Variants in ESPL1 observed in about 807,000 individuals in gnomAD.
ESPL1 encodes extra spindle pole bodies like 1, separase, also known as separin.
Under a neutral mutation model 217.2 loss-of-function variants are expected in ESPL1, and 50 were observed. The ratio of observed to expected loss-of-function variants is 0.23; its 90% CI spans 0.18 to 0.29. The LOEUF (loss-of-function observed/expected upper bound fraction) is 0.29. ESPL1 is among the 10% of genes least tolerant of loss of function. ESPL1 has a pLI of 1.00. For missense variants in ESPL1, 1,834 were observed against 2,603.0 expected (o/e 0.70, Z 6.43); for synonymous variants, 994 against 1,081.3 (o/e 0.92, Z 1.58).
intron 6 of ESPL1, among the ~76,000 whole-genome samples, chr12:53,273,703 G>A (rs1390609384): frequency 1.3e-5 from 2 of 151,532 alleles, no homozygotes; most frequent in Non-Finnish European, 2.9e-5. Flanking sequence ...AGTTTGCAGT[G>A]AGCCGAGATT....
At position 53,292,715 on chromosome 12, in the gene ESPL1, T is replaced by C. The variant is rs1437797498; in HGVS notation, c.5996+58T>C. The stretch of plus-strand genomic sequence containing the variant: ...GGCAGTCCTGAGGATGGTATCACCA[T>C]GGGTTGCTTTGGGACTTGAGAGCCT... On this transcript the variant is annotated intron_variant, in intron 29 of 30. Transcript: ENST00000257934. The surrounding 1 kb of genome is among the most constrained non-coding windows in gnomAD (Gnocchi z 4.5). 6.9e-6 allele frequency: 11 copies of C among 1,598,252 alleles called. No individual in the cohort carries two copies. Among genetic ancestry groups the C allele is most frequent in the Middle Eastern group, 1.6e-4 (1 of 6,062 alleles).
In ESPL1 at chr12:53,277,470, G is replaced by A. The variant is rs373329819; in HGVS notation, c.2086G>A (p.Gly696Ser). The A allele has an allele frequency of 1.2e-6, 2 of 1,613,842 alleles. No individual in the cohort carries two copies. Among genetic ancestry groups the A allele is most frequent in the African/African-American group, 2.7e-5 (2 of 75,022 alleles). ...TTTATACCCCGATCTTCCCATCCAG[G>A]GTATCGAGCGGGATCGGAGAGCCCA... ...ICTLEAKMQEGIERDRRAQAP... is the reference protein window; with the variant it reads ...ICTLEAKMQESIERDRRAQAP... The change falls in exon 10 of 31, where the codon GGT becomes AGT. Residue 696 changes from glycine to serine, a missense_variant and splice_region_variant. This residue lies in a region of ESPL1 where 746 missense variants were observed against 1,077.0 expected (regional missense o/e 0.69). Coordinates refer to ENST00000257934, the MANE Select transcript of ESPL1 (RefSeq NM_012291.5).
At chr12:53,272,450 C>T (rs1329590052) in intron 5 of ESPL1, among the ~76,000 whole-genome samples, 1 of 152,090 alleles carries the variant, frequency 6.6e-6, no homozygotes, top group African/African-American at 2.4e-5. Context: ...TGGAAAAGAA[C>T]ATCCCTGGCA....
chr12:53,270,539 ACT>A, intron 4 of ESPL1, 57 bp downstream of exon 4: 1 of 317,768 alleles, frequency 3.1e-6, no homozygotes, highest in African/African-American at 6.6e-5. Context: ...GGGTTGCTCC[ACT>A]GCCCTCAAAC....
Position 53,275,029 on chromosome 12 carries a change from G to A in ESPL1, c.1700+19G>A, listed in dbSNP as rs199711618. The stretch of plus-strand genomic sequence containing the variant: ...AGCTAAAGTGAGTTGAGGGCCAGAC[G>A]CAGTGGCTCATGCTTGTAATCCCAG... On this transcript the variant is annotated intron_variant, in intron 7 of 30. Transcript: ENST00000257934. 5.5e-5 allele frequency: 83 copies of A among 1,501,302 alleles called. No individual in the cohort carries two copies. The African/African-American group carries it at 9.8e-4, about 18-fold the overall frequency. The allele number at this position is 1,501,302 out of a possible 1,614,324, so 93.0% of individuals were successfully genotyped here. A position where few individuals can be genotyped will look rare whatever the true frequency, so the allele number is the denominator to read the frequency against.
At chr12:53,291,940 T>C (rs1282665743) in intron 26 of ESPL1, 44 bp from the exon 27 acceptor site, 29 of 1,607,312 alleles carry the variant, frequency 1.8e-5, no homozygotes, top group Non-Finnish European at 2.1e-5. Context: ...GACTTCTGCA[T>C]ATACCTGGCT....
chr12:53,292,391 C>T lies in ESPL1; in HGVS notation c.5910C>T (p.Ser1970=). The change falls in exon 28 of 31, where the codon AGC becomes AGT. Residue 1970 remains serine, a splice_region_variant and synonymous_variant. Coordinates refer to ENST00000257934, the MANE Select transcript of ESPL1 (RefSeq NM_012291.5). The surrounding 1 kb of genome is among the most constrained non-coding windows in gnomAD (Gnocchi z 4.5). ...AGGAGCAATTTCGAGCCAATTTCAG[C>T]AGGTCAGGGGCGCGAAGACAAGAAG... ...STEEQFRANF[S]SEAGWRGVVG... is the part of the protein sequence containing the mutation. 6.2e-7 allele frequency: 1 copy of T among 1,608,226 alleles called. No homozygotes were observed. The highest frequency in any genetic ancestry group is 8.5e-7 in the Non-Finnish European group (1 of 1,174,688).
Position 53,292,785 on chromosome 12 carries a change from T to A in ESPL1, c.5997-21T>A. The stretch of plus-strand genomic sequence containing the variant: ...CCAGGTATTACTAGCTCAAGACTCA[T>A]CTCACCTCCTTCTGCCTTAGCTATG... On this transcript the variant is annotated intron_variant, in intron 29 of 30. Coordinates refer to ENST00000257934, the MANE Select transcript of ESPL1 (RefSeq NM_012291.5). The surrounding 1 kb of genome is among the most constrained non-coding windows in gnomAD (Gnocchi z 4.5). 1 of 1,607,280 alleles carries A rather than the reference T, an allele frequency of 6.2e-7. No individual in the cohort carries two copies. The highest frequency in any genetic ancestry group is 8.5e-7 in the Non-Finnish European group (1 of 1,179,640).
rs1463062864 is a variant in ESPL1 at position 53,282,990 on chromosome 12, G to A, written c.2792-139G>A. The A allele has an allele frequency of 9.0e-7, 1 of 1,114,404 alleles. No homozygotes were observed. The allele number at this position is 1,114,404 out of a possible 1,614,324, so 69.0% of individuals were successfully genotyped here. A position where few individuals can be genotyped will look rare whatever the true frequency, so the allele number is the denominator to read the frequency against. ...TTCTGAGACCCCAGGGGATCTCAGAGGGAAGGAGTTATGAGATTGATTAGC... is the reference window on the plus strand; with the variant it reads ...TTCTGAGACCCCAGGGGATCTCAGAAGGAAGGAGTTATGAGATTGATTAGC... On this transcript the variant is annotated intron_variant, in intron 14 of 30. Coordinates refer to ENST00000257934, the MANE Select transcript of ESPL1 (RefSeq NM_012291.5). This position sits in a 1 kb window ranked among gnomAD's most constrained non-coding sequence, Gnocchi z 4.0.
rs1263301367 is a variant in ESPL1, at chr12:53,293,387, T to C, written c.6276T>C (p.Tyr2092=). The C allele has an allele frequency of 1.9e-6, 3 of 1,614,130 alleles. No homozygotes were observed. Among genetic ancestry groups the C allele is most frequent in the Non-Finnish European group, 2.5e-6 (3 of 1,180,006 alleles). Reference sequence around the variant, plus strand: ...GCCCAGGGGCCCCCCTTCTCTACTATGTAAACCAGGCCCGCCAAGCTCCCC... The same window carrying C: ...GCCCAGGGGCCCCCCTTCTCTACTACGTAAACCAGGCCCGCCAAGCTCCCC... The part of the protein sequence containing the change: ...GAGPGAPLLY[Y]VNQARQAPRL... The change falls in exon 31 of 31, where the codon TAT becomes TAC. Residue 2092 remains tyrosine, a synonymous_variant. Coordinates refer to ENST00000257934, the MANE Select transcript of ESPL1 (RefSeq NM_012291.5). This position sits in a 1 kb window ranked among gnomAD's most constrained non-coding sequence, Gnocchi z 4.2.
rs1565764207 is a variant in ESPL1, at chr12:53,289,105, A to T, written c.4724A>T (p.Asp1575Val). The T allele has an allele frequency of 6.2e-7, 1 of 1,613,608 alleles. No individual in the cohort carries two copies. Among genetic ancestry groups the T allele is most frequent in the Admixed American group, 1.7e-5 (1 of 59,992 alleles). The change falls in exon 21 of 31, where the codon GAC becomes GTC. Residue 1575 changes from aspartate to valine, a missense_variant. By Grantham distance (152) the Asp-to-Val change is radical. This residue lies in a region of ESPL1 where 681 missense variants were observed against 808.0 expected (regional missense o/e 0.84). Transcript: ENST00000257934. Reference sequence around the variant, plus strand: ...GTTCTTCTAGGTCTTTCTACCCTGGACTCCATCTGTGACTCCCTGAGTGTT... The same window carrying T: ...GTTCTTCTAGGTCTTTCTACCCTGGTCTCCATCTGTGACTCCCTGAGTGTT... ...APVATGLSTL[D>V]SICDSLSVAF...
In ESPL1 at chr12:53,283,550, G is replaced by C. The variant is rs934186647; in HGVS notation, c.3077+12G>C. 1.9e-6 allele frequency: 3 copies of C among 1,611,198 alleles called. No individual in the cohort carries two copies. In the Admixed American group the frequency reaches 5.1e-5, roughly 27 times the overall value. Reference sequence around the variant, plus strand: ...CAGATACCACGCCAGTAAGTACAGGGCCAGAGGATATGGCAATGATGGCAC... The same window carrying C: ...CAGATACCACGCCAGTAAGTACAGGCCCAGAGGATATGGCAATGATGGCAC... On this transcript the variant is annotated intron_variant, in intron 16 of 30. Transcript: ENST00000257934.
At chr12:53,288,750 G>A in intron 20 of ESPL1, 51 bp downstream of exon 20, 1 of 1,528,704 alleles carries the variant, frequency 6.5e-7, no homozygotes, top group Non-Finnish European at 8.9e-7. Flanking sequence ...TGAGCCTCTA[G>A]GGCTTTTGAC....
chr12:53,290,244 G>A (rs1229806099), intron 23 of ESPL1, 32 bp downstream of exon 23: 2 of 1,612,686 alleles, frequency 1.2e-6, no homozygotes, highest in East Asian at 2.2e-5. Flanking sequence ...GCAAAGTTGG[G>A]CTGGATTGGG....
At chr12:53,279,687 G>A in intron 11 of ESPL1, 45 bp from the exon 12 acceptor site, 1 of 1,612,930 alleles carries the variant, frequency 6.2e-7, no homozygotes, top group South Asian at 1.1e-5. Context: ...TAGAAATAGA[G>A]GCTTGAGCAG....
intron 7 of ESPL1, 31 bp from the exon 8 acceptor site, chr12:53,276,589 C>T: frequency 6.4e-7 from 1 of 1,568,436 alleles, no homozygotes; most frequent in Non-Finnish European, 8.6e-7. Context: ...CTCCTGGGTT[C>T]CACCCTGGTG....
Position 53,292,243 on chromosome 12 carries a change from G to C in ESPL1, c.5797-35G>C, listed in dbSNP as rs199969027. 562 of 1,540,992 alleles carry C rather than the reference G, an allele frequency of 3.6e-4. 2 individuals carry two copies. In the African/African-American group the frequency reaches 6.7e-3, roughly 18 times the overall value. ...TGTTAGAGCTTGGGCCTCTTGGTGAGACAAGCATCCTAATCGCCAGTGTCT... is the reference window on the plus strand; with the variant it reads ...TGTTAGAGCTTGGGCCTCTTGGTGACACAAGCATCCTAATCGCCAGTGTCT... On this transcript the variant is annotated intron_variant, in intron 27 of 30. Coordinates refer to ENST00000257934, the MANE Select transcript of ESPL1 (RefSeq NM_012291.5). This position sits in a 1 kb window ranked among gnomAD's most constrained non-coding sequence, Gnocchi z 4.5.
Position 53,286,897 on chromosome 12 carries a change from C to T in ESPL1, c.4161C>T (p.Val1387=), listed in dbSNP as rs774160907. 1 of 1,597,546 alleles carries T rather than the reference C, an allele frequency of 6.3e-7. No homozygotes were observed. The highest frequency in any genetic ancestry group is 8.5e-7 in the Non-Finnish European group (1 of 1,172,358). Reference sequence around the variant, plus strand: ...AGGCCCCCAGGGTACAACAGAGAGTCCAGACGCGCCTCAAGGTGAGGTGGG... The same window carrying T: ...AGGCCCCCAGGGTACAACAGAGAGTTCAGACGCGCCTCAAGGTGAGGTGGG... The part of the protein sequence containing the change: ...VPQAPRVQQR[V]QTRLKVNFSD... Residue 1387 remains valine, a synonymous_variant, in exon 18 of 31, where the codon GTC becomes GTT. Coordinates refer to ENST00000257934, the MANE Select transcript of ESPL1 (RefSeq NM_012291.5). This position sits in a 1 kb window ranked among gnomAD's most constrained non-coding sequence, Gnocchi z 5.3.
Position 53,269,356 on chromosome 12 carries a change from G to A in ESPL1, c.414G>A (p.Gln138=), listed in dbSNP as rs376027070. 3 of 1,613,978 alleles carry A rather than the reference G, an allele frequency of 1.9e-6. No individual in the cohort carries two copies. The African/African-American group carries it at 4.0e-5, about 22-fold the overall frequency. The change falls in exon 3 of 31, where the codon CAG becomes CAA. Residue 138 remains glutamine (Q), a synonymous_variant. Transcript: ENST00000257934. The surrounding 1 kb of genome is among the most constrained non-coding windows in gnomAD (Gnocchi z 6.7). ...AGTGCTCTCGCGAGGCTGCTCCCCA[G>A]GACTATGAGGCCGTGGCTCGGGGCA... The part of the protein sequence containing the change: ...LVQCSREAAP[Q]DYEAVARGSF...
Sources: allele counts gnomAD v4.1 joint callset (sites outside exome capture counted in the v4.1 genomes callset), GRCh38; gene constraint gnomAD v4.1.1; regional missense constraint gnomAD v4.1.1; non-coding constraint Gnocchi (gnomAD v3.1); transcripts MANE v1.5; gene names NCBI Gene and HGNC (gene_info 2026-07-23, HGNC 2026-07-21).